STK4: variants seen among roughly 807,000 people sequenced by gnomAD.
STK4 encodes the protein serine/threonine kinase 4.
A neutral mutation model predicts 64.9 loss-of-function variants in STK4; 30 were observed. The ratio of observed to expected loss-of-function variants is 0.46; its 90% CI spans 0.35 to 0.63. The LOEUF is 0.63. Among genes scored for constraint, STK4 ranks in the 20% least tolerant of loss-of-function variants. The pLI is 0.01. For missense variants in STK4, 466 were observed against 598.5 expected, an observed-to-expected ratio of 0.78 and a Z score of 2.31; for synonymous variants, 177 against 199.0, an observed-to-expected ratio of 0.89 and a Z score of 0.93.
chr20:45,000,632 T>TC, intron 8 of STK4, 112 bp downstream of exon 8: 3 of 1,462,298 alleles, frequency 2.1e-6, no homozygotes, highest in Non-Finnish European at 2.8e-6. Context: ...CTGGAGATGC[T>TC]TCCAGCATAA....
At chr20:44,995,420 A>G (rs1193698277) in intron 6 of STK4, among the ~76,000 whole-genome samples, 163 bp downstream of exon 6, 1 of 152,090 alleles carries the variant, frequency 6.6e-6, no homozygotes, top group Non-Finnish European at 1.5e-5. Context: ...AACCTGGCCA[A>G]CATGGTGAAA....
rs138052948 is a variant in STK4 at position 44,981,883 on chromosome 20, C to T, written c.300C>T (p.Ile100=). The part of the protein sequence containing the change: ...GSYFKNTDLW[I]VMEYCGAGSV... ...ATTTTAAGAACACAGACTTATGGAT[C>T]GTTATGGAGTACTGTGGGGCTGGTT... Residue 100 remains isoleucine (I), a synonymous_variant, in exon 4 of 11, where the codon ATC becomes ATT. Transcript: ENST00000372806. The T allele has an allele frequency of 6.2e-6, 10 of 1,613,956 alleles. No individual in the cohort carries two copies. Among genetic ancestry groups the T allele is most frequent in the Middle Eastern group, 1.7e-4 (1 of 6,056 alleles).
At chr20:45,002,389 T>A (rs1000078337) in intron 9 of STK4, among the ~76,000 whole-genome samples, 1 of 152,222 alleles carries the variant, frequency 6.6e-6, no homozygotes, top group Non-Finnish European at 1.5e-5. Flanking sequence ...TTTTCAGAAC[T>A]GGATAGTTTT....
intron 9 of STK4, among the ~76,000 whole-genome samples, chr20:45,010,354 C>T (rs1305729757): frequency 6.6e-6 from 1 of 152,098 alleles, no homozygotes. Flanking sequence ...CGTGAGCCAC[C>T]GCGCCCGGCC....
intron 4 of STK4, among the ~76,000 whole-genome samples, chr20:44,986,233 T>A (rs937910392): frequency 3.3e-5 from 5 of 152,086 alleles, no homozygotes; most frequent in Non-Finnish European, 7.4e-5. Context: ...TTTAAGGGAA[T>A]AGAGTATGAG....
intron 9 of STK4, among the ~76,000 whole-genome samples, chr20:45,017,410 G>A (rs543153113): frequency 4.6e-5 from 7 of 152,332 alleles, no homozygotes; most frequent in South Asian, 2.1e-4. Context: ...ACAGGAAAGC[G>A]TTAAAGGATT....
Position 45,078,150 on chromosome 20 carries a change from A to G in STK4, c.*2974A>G, listed in dbSNP as rs917447770. 2.0e-5 allele frequency: 3 copies of G among 151,824 alleles called. No individual in the cohort carries two copies. The highest frequency in any genetic ancestry group is 4.4e-5 in the Non-Finnish European group (3 of 67,966). 9.4% of individuals were successfully genotyped at this position (151,824 alleles called of 1,614,324 possible). ...CCTCGCTTGTTCTCTGCCTTCAAGA[A>G]ACAATGACCTGATTCTGTCTTTAAA... On this transcript the variant is annotated 3_prime_UTR_variant, in exon 11 of 11. Coordinates refer to ENST00000372806, the MANE Select transcript of STK4 (RefSeq NM_006282.5).
chr20:45,002,554 G>T (rs2067859959), intron 9 of STK4, among the ~76,000 whole-genome samples: 2 of 152,120 alleles, frequency 1.3e-5, no homozygotes, highest in South Asian at 4.1e-4. Flanking sequence ...TTACAGATTT[G>T]ACAGATTTGC....
At position 45,025,031 on chromosome 20, in the gene STK4, AGAAAAG is replaced by A. The variant is rs777032035; in HGVS notation, c.1212_1217del (p.Lys404_Glu405del). On this transcript the variant is annotated inframe_deletion, in exon 10 of 11. Coordinates refer to ENST00000372806, the MANE Select transcript of STK4 (RefSeq NM_006282.5). ...CCTTTCTTGAATATTTTGAACAAAA[AGAAAAG>A]GAAAACCAGATCAACAGCTTTGGCA... is the stretch of plus-strand genomic sequence containing the variant. 2 of 1,613,640 alleles carry A rather than the reference AGAAAAG, an allele frequency of 1.2e-6. No individual in the cohort carries two copies. Among genetic ancestry groups the A allele is most frequent in the Non-Finnish European group, 1.7e-6 (2 of 1,179,776 alleles).
chr20:44,997,781 T>C (rs1194374973), intron 7 of STK4, among the ~76,000 whole-genome samples: 4 of 152,180 alleles, frequency 2.6e-5, no homozygotes, highest in Admixed American at 2.0e-4. Flanking sequence ...TGTTAAATCA[T>C]TGAACAAGAC....
chr20:45,050,048 CT>C (rs2145435972), intron 10 of STK4, among the ~76,000 whole-genome samples: 1 of 152,254 alleles, frequency 6.6e-6, no homozygotes, highest in South Asian at 2.1e-4. Flanking sequence ...CAATGAGCTC[CT>C]TTGTATCTAC....
At chr20:44,998,121 GC>G (rs2067768961) in intron 7 of STK4, among the ~76,000 whole-genome samples, 1 of 152,148 alleles carries the variant, frequency 6.6e-6, no homozygotes, top group Non-Finnish European at 1.5e-5. Flanking sequence ...GTGGGAGAAG[GC>G]CTCTTTGGAC....
At chr20:44,967,263 C>G in intron 1 of STK4, 1 of 978,488 alleles carries the variant, frequency 1.0e-6, no homozygotes, top group Non-Finnish European at 1.2e-6. Flanking sequence ...CAGAACCTGA[C>G]ATTGGGAGGT....
At chr20:45,047,050 T>A (rs956422795) in intron 10 of STK4, among the ~76,000 whole-genome samples, 7 of 152,226 alleles carry the variant, frequency 4.6e-5, no homozygotes, top group African/African-American at 1.7e-4. Flanking sequence ...TTGCTCATTA[T>A]CTTGTCTAAT....
intron 9 of STK4, among the ~76,000 whole-genome samples, chr20:45,016,958 T>A (rs918002978): frequency 1.3e-5 from 2 of 152,242 alleles, no homozygotes; most frequent in African/African-American, 2.4e-5. Context: ...GACCTTCTTT[T>A]GTTCAGCAAG....
chr20:45,023,001 CT>C (rs2068276032), intron 9 of STK4, among the ~76,000 whole-genome samples: 1 of 152,220 alleles, frequency 6.6e-6, no homozygotes, highest in Non-Finnish European at 1.5e-5. Context: ...AAGATACCCT[CT>C]TTTGTTTGTA....
At chr20:45,067,074 T>C (rs1185126090) in intron 10 of STK4, among the ~76,000 whole-genome samples, 1 of 152,196 alleles carries the variant, frequency 6.6e-6, no homozygotes, top group Non-Finnish European at 1.5e-5. Flanking sequence ...AAAGAGTAAG[T>C]ATCCTCGGTA....
At chr20:45,045,796 T>C (rs1302350366) in intron 10 of STK4, among the ~76,000 whole-genome samples, 1 of 35,728 alleles carries the variant, frequency 2.8e-5, no homozygotes, top group African/African-American at 2.4e-4. Flanking sequence ...GAAAGTGTCT[T>C]TTTTTTTTGT....
chr20:45,058,053 TCACACACACACACA>T (rs3044396), intron 10 of STK4, among the ~76,000 whole-genome samples: 3 of 148,032 alleles, frequency 2.0e-5, no homozygotes, highest in African/African-American at 5.0e-5. Flanking sequence ...AGTTTGAAGG[TCACACACACACACA>T]CACACACACA....
Sources: gnomAD v4.1 joint callset for allele counts (sites outside exome capture counted in the v4.1 genomes callset) on GRCh38, gnomAD v4.1.1 for gene constraint, MANE v1.5 for transcripts, NCBI Gene and HGNC (gene_info 2026-07-23, HGNC 2026-07-21) for gene names.